ITPRIP: variants seen among roughly 807,000 people sequenced by gnomAD.
ITPRIP encodes inositol 1,4,5-trisphosphate receptor-interacting protein.
Under a neutral mutation model 35.8 loss-of-function variants are expected in ITPRIP, and 32 were observed. The observed-to-expected ratio is 0.89, with a 90% CI of 0.68 to 1.20. The LOEUF is 1.20. Ranked by LOEUF, ITPRIP falls within the 50% of genes most tolerant of loss-of-function variation. The pLI is 0.00. For synonymous variants in ITPRIP, 358 were observed against 324.0 expected, an observed-to-expected ratio of 1.11 and a Z score of -1.13; for missense variants, 653 against 735.6, an observed-to-expected ratio of 0.89 and a Z score of 1.30.
In ITPRIP at chr10:104,337,572, G is replaced by T. The variant is rs546542506; in HGVS notation, c.-14+674C>A. On this transcript the variant is annotated intron_variant, in intron 1 of 1. Transcript: ENST00000337478. Reference sequence around the variant, plus strand: ...CCCGGGAGTCTTCACCAGGCGGCCAGAATGGCAAAGTCACAGGGATGGGGT... The same window carrying T: ...CCCGGGAGTCTTCACCAGGCGGCCATAATGGCAAAGTCACAGGGATGGGGT... 5.3e-5 allele frequency among the ~76,000 whole-genome samples: 8 copies of T among 152,076 alleles called. No individual in the cohort carries two copies. The East Asian group carries it at 1.6e-3, about 29-fold the overall frequency.
chr10:104,320,626 C>T (rs571885219), intron 1 of ITPRIP, among the ~76,000 whole-genome samples: 2 of 151,676 alleles, frequency 1.3e-5, no homozygotes, highest in South Asian at 4.2e-4. Context: ...CAACCTCTGC[C>T]TCCCAGGTTC....
rs1218022525 is a variant in ITPRIP, at chr10:104,315,788, G to C, written c.264C>G (p.Leu88=). ...AGAGGATCATGCAGAGGGTGCTCCA[G>C]AGGTCCCAGGCCACGCGTGTCTCGT... ...QQNETRVAWD[L]WSTLCMILFL... is the part of the protein sequence containing the mutation. Residue 88 remains leucine, a synonymous_variant, in exon 2 of 2, where the codon CTC becomes CTG. Transcript: ENST00000337478. The surrounding 1 kb of genome is among the most constrained non-coding windows in gnomAD (Gnocchi z 5.7). 1.2e-6 allele frequency: 2 copies of C among 1,613,996 alleles called. No homozygotes were observed. The highest frequency in any genetic ancestry group is 2.2e-5 in the East Asian group (1 of 44,872).
In ITPRIP at chr10:104,312,064, C is replaced by G. The variant is rs775246163; in HGVS notation, c.*2344G>C. The G allele has an allele frequency of 6.6e-6, 1 of 152,124 alleles. No homozygotes were observed. The allele number at this position is 152,124 out of a possible 1,614,324, so 9.4% of individuals were successfully genotyped here. A position where few individuals can be genotyped will look rare whatever the true frequency, so the allele number is the denominator to read the frequency against. ...TCTGCTTTGTCAATAGGAAATCCACCCCCCTGTCCCCAACTCTGCCCTGGG... is the reference window on the plus strand; with the variant it reads ...TCTGCTTTGTCAATAGGAAATCCACGCCCCTGTCCCCAACTCTGCCCTGGG... On this transcript the variant is annotated 3_prime_UTR_variant, in exon 2 of 2. Transcript: ENST00000337478.
At chr10:104,325,774 T>G (rs2013988328) in intron 1 of ITPRIP, among the ~76,000 whole-genome samples, 1 of 152,076 alleles carries the variant, frequency 6.6e-6, no homozygotes, top group African/African-American at 2.4e-5. Context: ...AAAGGCCTAA[T>G]GGTGCTGCGC....
chr10:104,315,925 C>A lies in ITPRIP; in HGVS notation c.127G>T (p.Ala43Ser), dbSNP rs1333664020. The A allele has an allele frequency of 6.2e-7, 1 of 1,614,022 alleles. No homozygotes were observed. The highest frequency in any genetic ancestry group is 8.5e-7 in the Non-Finnish European group (1 of 1,180,014). Residue 43 changes from alanine (A) to serine (S), a missense_variant, in exon 2 of 2, where the codon GCG becomes TCG. Physicochemically the swap from Ala to Ser is moderately conservative, Grantham distance 99. Transcript: ENST00000337478. The surrounding 1 kb of genome is among the most constrained non-coding windows in gnomAD (Gnocchi z 5.7). ...NEEEIIRKMQAHQEKLQLEQL... is the reference protein window; with the variant it reads ...NEEEIIRKMQSHQEKLQLEQL... ...TCCAGCTGCAGCTTCTCCTGGTGCG[C>A]CTGCATCTTGCGGATGATCTCCTCC...
At chr10:104,335,593 G>A (rs548687215) in intron 1 of ITPRIP, among the ~76,000 whole-genome samples, 146 of 152,262 alleles carry the variant, frequency 9.6e-4, no homozygotes, top group Middle Eastern at 6.8e-3. Flanking sequence ...ATCAAGGCCC[G>A]GCTTGCCTCT....
intron 1 of ITPRIP, chr10:104,329,043 GCA>G (rs66606338): frequency 0.016 from 2,366 of 148,612 alleles, 60 homozygotes; most frequent in African/African-American, 0.053. Flanking sequence ...CTGCACGCAT[GCA>G]CACACACACA....
rs529491032 is a variant in ITPRIP at position 104,314,238 on chromosome 10, T to C, written c.*170A>G. On this transcript the variant is annotated 3_prime_UTR_variant, in exon 2 of 2. Coordinates refer to ENST00000337478, the MANE Select transcript of ITPRIP (RefSeq NM_001272013.2). ...TGGTATGAAGCAAACCAGCTTCCCG[T>C]TGAAATTCTGTTTCCTCTGCACTGT... 7.0e-5 allele frequency: 100 copies of C among 1,430,850 alleles called. No homozygotes were observed. The highest frequency in any genetic ancestry group is 8.9e-5 in the Non-Finnish European group (97 of 1,095,042). The allele number at this position is 1,430,850 out of a possible 1,614,324, so 88.6% of individuals were successfully genotyped here. A position where few individuals can be genotyped will look rare whatever the true frequency, so the allele number is the denominator to read the frequency against.
intron 1 of ITPRIP, among the ~76,000 whole-genome samples, chr10:104,325,872 T>G (rs1282013350): frequency 3.3e-5 from 5 of 152,160 alleles, no homozygotes; most frequent in African/African-American, 1.2e-4. Flanking sequence ...CCAGACTGAC[T>G]GAGTGGGATG....
At position 104,333,074 on chromosome 10, in the gene ITPRIP, G is replaced by T. The variant is rs556375165; in HGVS notation, c.-14+5172C>A. On this transcript the variant is annotated intron_variant, in intron 1 of 1. Transcript: ENST00000337478. This position sits in a 1 kb window ranked among gnomAD's most constrained non-coding sequence, Gnocchi z 4.1. The stretch of plus-strand genomic sequence containing the variant: ...TTGTGGGGAGGCTGAAGAATGGAAA[G>T]TCACTTTTCTGATGGCCCCATCACT... Among the ~76,000 whole-genome samples, 5 of 152,364 alleles carry T rather than the reference G, an allele frequency of 3.3e-5. No homozygotes were observed. The South Asian group carries it at 1.0e-3, about 32-fold the overall frequency.
rs1036998127 is a variant in ITPRIP, at chr10:104,314,741, T to C, written c.1311A>G (p.Leu437=). 1.2e-6 allele frequency: 2 copies of C among 1,613,688 alleles called. No individual in the cohort carries two copies. The highest frequency in any genetic ancestry group is 2.7e-5 in the African/African-American group (2 of 74,930). ...CCTGCCGGAGGAGTAGGAGGTGCAGTAGGGCCGTCTTCAGGTGGTAGCTGC... is the reference window on the plus strand; with the variant it reads ...CCTGCCGGAGGAGTAGGAGGTGCAGCAGGGCCGTCTTCAGGTGGTAGCTGC... The part of the protein sequence containing the change: ...GLSSYHLKTA[L]LHLLLLRQAA... Residue 437 remains leucine, a synonymous_variant, in exon 2 of 2, where the codon CTA becomes CTG. Coordinates refer to ENST00000337478, the MANE Select transcript of ITPRIP (RefSeq NM_001272013.2).
chr10:104,337,076 G>A (rs1205145446), intron 1 of ITPRIP, among the ~76,000 whole-genome samples: 4 of 152,182 alleles, frequency 2.6e-5, no homozygotes, highest in South Asian at 2.1e-4. Context: ...ACTTAGGCAC[G>A]AGGGCTGGAG....
intron 1 of ITPRIP, among the ~76,000 whole-genome samples, chr10:104,321,009 A>G (rs2135189253): frequency 1.3e-5 from 2 of 152,350 alleles, no homozygotes; most frequent in South Asian, 4.1e-4. Context: ...GAAACAGGGC[A>G]TTCTGACATT....
chr10:104,314,752 T>C lies in ITPRIP; in HGVS notation c.1300A>G (p.Lys434Glu). The change falls in exon 2 of 2, where the codon AAG (lysine) becomes GAG (glutamate). Residue 434 changes from lysine (K) to glutamate (E), a missense_variant. Physicochemically the swap from Lys to Glu is moderately conservative, Grantham distance 56 (BLOSUM62 1). Coordinates refer to ENST00000337478, the MANE Select transcript of ITPRIP (RefSeq NM_001272013.2). ...AGTAGGAGGTGCAGTAGGGCCGTCTTCAGGTGGTAGCTGCTGAGCCCGCTG... is the reference window on the plus strand; with the variant it reads ...AGTAGGAGGTGCAGTAGGGCCGTCTCCAGGTGGTAGCTGCTGAGCCCGCTG... ...GPSGLSSYHL[K>E]TALLHLLLLR... The C allele has an allele frequency of 1.9e-6, 3 of 1,613,894 alleles. No individual in the cohort carries two copies. Among genetic ancestry groups the C allele is most frequent in the Non-Finnish European group, 2.5e-6 (3 of 1,179,974 alleles).
chr10:104,334,813 A>G (rs1378396161), intron 1 of ITPRIP, among the ~76,000 whole-genome samples: 3 of 152,234 alleles, frequency 2.0e-5, no homozygotes, highest in Non-Finnish European at 4.4e-5. Context: ...AGCTTTGATA[A>G]GCGCAGTCCA....
intron 1 of ITPRIP, among the ~76,000 whole-genome samples, chr10:104,318,373 G>A (rs2013744519): frequency 6.6e-6 from 1 of 152,174 alleles, no homozygotes; most frequent in Admixed American, 6.5e-5. Flanking sequence ...GGGGGTTTTA[G>A]GGTCCTTCAA....
chr10:104,330,806 G>T (rs773527153), intron 1 of ITPRIP, among the ~76,000 whole-genome samples: 1 of 152,198 alleles, frequency 6.6e-6, no homozygotes, highest in African/African-American at 2.4e-5. Flanking sequence ...GGCAACTGAG[G>T]CACAGAGGTG....
chr10:104,314,343 C>A lies in ITPRIP; in HGVS notation c.*65G>T, dbSNP rs895334639. ...CCCAGAACAGGGCTGGCAGATGCCA[C>A]CAGGGGTGTGAACGTGAGGGATGCC... On this transcript the variant is annotated 3_prime_UTR_variant, in exon 2 of 2. Coordinates refer to ENST00000337478, the MANE Select transcript of ITPRIP (RefSeq NM_001272013.2). 6.5e-7 allele frequency: 1 copy of A among 1,545,006 alleles called. No homozygotes were observed. Among genetic ancestry groups the A allele is most frequent in the Non-Finnish European group, 8.7e-7 (1 of 1,145,710 alleles).
chr10:104,327,536 C>G (rs1288241733), intron 1 of ITPRIP, among the ~76,000 whole-genome samples: 2 of 152,154 alleles, frequency 1.3e-5, no homozygotes, highest in African/African-American at 4.8e-5. Flanking sequence ...GACCTCACAG[C>G]AAGCCCATCT....
Sources: allele counts gnomAD v4.1 joint callset (sites outside exome capture counted in the v4.1 genomes callset), GRCh38; gene constraint gnomAD v4.1.1; non-coding constraint Gnocchi (gnomAD v3.1); transcripts MANE v1.5; gene names NCBI Gene and HGNC (gene_info 2026-07-23, HGNC 2026-07-21).